SUN1: variants seen among roughly 807,000 people sequenced by gnomAD.
SUN1 encodes the protein Sad1 and UNC84 domain containing 1, also known as SUN domain-containing protein 1.
In SUN1, 61 loss-of-function variants were observed where a neutral mutation model predicts 103.2. That is an observed-to-expected ratio of 0.59 (90% CI 0.48 to 0.73). SUN1 has a LOEUF of 0.73. Among genes scored for constraint, SUN1 ranks in the 30% least tolerant of loss-of-function variants. The probability of loss-of-function intolerance (pLI) is 0.00; values close to 1 mark genes in which losing one functional copy is unlikely to be tolerated. For missense variants in SUN1, 1,052 were observed against 1,034.6 expected (o/e 1.02, Z -0.23); for synonymous variants, 490 against 425.7 (o/e 1.15, Z -1.86).
At position 866,056 on chromosome 7, in the gene SUN1, G is replaced by T; in HGVS notation, c.1969G>T (p.Val657Leu). The T allele has an allele frequency of 3.7e-6, 6 of 1,614,010 alleles. No homozygotes were observed. The highest frequency in any genetic ancestry group is 5.1e-6 in the Non-Finnish European group (6 of 1,179,928). The change falls in exon 16 of 19, where the codon GTG (valine) becomes TTG (leucine). Residue 657 changes from valine (V) to leucine (L), a missense_variant. Val to Leu is a conservative substitution (Grantham distance 32, BLOSUM62 1). Transcript: ENST00000401592. ...PLWYFSQSPRVVIQPDIYPGN... is the reference protein window; with the variant it reads ...PLWYFSQSPRLVIQPDIYPGN... ...GTGGTACTTCTCGCAGTCCCCGCGC[G>T]TGGTCATCCAGGTGAGTGGCCGCCG...
rs1433018904 is a variant in SUN1 at position 863,051 on chromosome 7, A to C, written c.1864+1587A>C. ...CAGCTACTTGGGAGGCTAAGGCAGG[A>C]GAATGGCGTGAACCCGGGAGGTGGA... On this transcript the variant is annotated intron_variant, in intron 15 of 18. Transcript: ENST00000401592. 6.6e-5 allele frequency among the ~76,000 whole-genome samples: 10 copies of C among 152,326 alleles called. 1 individual carries two copies. The highest frequency in any genetic ancestry group is 8.8e-5 in the Non-Finnish European group (6 of 68,030).
At position 853,479 on chromosome 7, in the gene SUN1, A is replaced by G. The variant is rs372553774; in HGVS notation, c.1124A>G (p.Gln375Arg). Residue 375 changes from glutamine to arginine, a missense_variant, in exon 10 of 19, where the codon CAG becomes CGG. By Grantham distance (43) the Gln-to-Arg change is conservative (BLOSUM62 1). This residue lies in a region of SUN1 where 846 missense variants were observed against 774.5 expected (regional missense o/e 1.09). Coordinates refer to ENST00000401592, the MANE Select transcript of SUN1 (RefSeq NM_001130965.3). ...VEQQVASLSG[Q>R]CHHHGENLRE... is the part of the protein sequence containing the mutation. ...CAGCAGGTGGCCTCTCTGTCTGGAC[A>G]GTGCCACCACCATGGTGAGAATCTC... 36 of 1,613,958 alleles carry G rather than the reference A, an allele frequency of 2.2e-5. No individual in the cohort carries two copies. The highest frequency in any genetic ancestry group is 3.3e-4 in the Middle Eastern group (2 of 6,084).
intron 5 of SUN1, among the ~76,000 whole-genome samples, chr7:844,296 G>T (rs768260840): frequency 6.6e-6 from 1 of 152,222 alleles, no homozygotes; most frequent in South Asian, 2.1e-4. Context: ...GCCGGGTGCT[G>T]CCTGGTTCTC....
rs376691663 is a variant in SUN1 at position 839,987 on chromosome 7, A to G, written c.266+1001A>G. 4.6e-5 allele frequency among the ~76,000 whole-genome samples: 7 copies of G among 152,364 alleles called. No individual in the cohort carries two copies. The East Asian group carries it at 9.6e-4, about 21-fold the overall frequency. ...ACTCTCCACGTGCCCACTTCTGTGC[A>G]GAGAAGGAACAAAAGTCTACAAGAT... On this transcript the variant is annotated intron_variant, in intron 2 of 18. Coordinates refer to ENST00000401592, the MANE Select transcript of SUN1 (RefSeq NM_001130965.3).
At chr7:848,465 A>G (rs369047264) in intron 5 of SUN1, 6 of 1,364,208 alleles carry the variant, frequency 4.4e-6, no homozygotes, top group African/African-American at 3.0e-5. Flanking sequence ...GGCCAGATAC[A>G]CTGCATCATC....
At chr7:832,663 G>T in intron 1 of SUN1, 62 bp downstream of exon 1, 2 of 1,387,760 alleles carry the variant, frequency 1.4e-6, no homozygotes, top group Non-Finnish European at 1.0e-6. Flanking sequence ...TCGCGGTGGC[G>T]TGGACCTTAA....
chr7:840,417 C>T (rs149571572), intron 2 of SUN1, among the ~76,000 whole-genome samples: 33 of 152,316 alleles, frequency 2.2e-4, no homozygotes, highest in Non-Finnish European at 3.1e-4. Flanking sequence ...TGCCACGCCG[C>T]GCTCTGCCGC....
intron 1 of SUN1, among the ~76,000 whole-genome samples, chr7:821,073 T>C (rs975278447): frequency 6.6e-6 from 1 of 151,052 alleles, no homozygotes; most frequent in African/African-American, 2.4e-5. Flanking sequence ...CATTTTGTTC[T>C]CAATGAAATA....
chr7:836,208 A>T (rs56320229), intron 1 of SUN1, among the ~76,000 whole-genome samples: 7 of 152,076 alleles, frequency 4.6e-5, no homozygotes, highest in South Asian at 2.1e-4. Context: ...GAAGCTGAAG[A>T]TGTAGGAGAA....
intron 1 of SUN1, 83 bp downstream of exon 1, chr7:832,684 A>T: frequency 9.7e-7 from 1 of 1,033,918 alleles, no homozygotes; most frequent in South Asian, 1.3e-5. Flanking sequence ...CAGGAACTCC[A>T]TAGTACTACC....
At chr7:849,767 C>T (rs900883627) in intron 5 of SUN1, 1 of 1,094,306 alleles carries the variant, frequency 9.1e-7, no homozygotes, top group Non-Finnish European at 1.4e-6. Context: ...ATCACAGAAG[C>T]TCATAGCCAC....
chr7:851,356 T>G, intron 5 of SUN1, 28 bp from the exon 6 acceptor site: 1 of 1,556,290 alleles, frequency 6.4e-7, no homozygotes, highest in East Asian at 2.4e-5. Context: ...GGCGTCTGTC[T>G]GAGGCCACAC....
At chr7:866,528 C>A (rs1351376814) in intron 16 of SUN1, among the ~76,000 whole-genome samples, 1 of 142,448 alleles carries the variant, frequency 7.0e-6, no homozygotes, top group Non-Finnish European at 1.6e-5. Flanking sequence ...CTCCCCGGGC[C>A]TTCTCCCCCA....
At position 874,108 on chromosome 7, in the gene SUN1, C is replaced by G. The variant is rs1299630934; in HGVS notation, c.*777C>G. On this transcript the variant is annotated 3_prime_UTR_variant, in exon 19 of 19. Transcript: ENST00000401592. The stretch of plus-strand genomic sequence containing the variant: ...GTAAACAGAAACCCAAAAATCTCAT[C>G]TTGGGTGTTTTCAGGGCTTGTTTTG... The G allele has an allele frequency of 6.6e-6, 1 of 152,246 alleles. No homozygotes were observed. The highest frequency in any genetic ancestry group is 1.5e-5 in the Non-Finnish European group (1 of 68,056). 9.4% of individuals were successfully genotyped at this position (152,246 alleles called of 1,614,324 possible).
At chr7:838,742 G>A in intron 1 of SUN1, 56 bp from the exon 2 acceptor site, 2 of 1,434,294 alleles carry the variant, frequency 1.4e-6, no homozygotes, top group South Asian at 3.0e-5. Context: ...TGTTCATTTT[G>A]TTTCAGAATG....
intron 15 of SUN1, among the ~76,000 whole-genome samples, chr7:864,657 C>CT (rs1834963592): frequency 1.5e-5 from 1 of 64,688 alleles, no homozygotes; most frequent in African/African-American, 5.2e-5. Context: ...GACAAAGAGT[C>CT]TCGCTCTGTC....
In SUN1 at chr7:874,832, T is replaced by G. The variant is rs956250536; in HGVS notation, c.*1501T>G. ...CAAAATATCTGTCTTTGGTAGTGCT[T>G]CTGCTGCTGCCACCAAATTGATAAG... On this transcript the variant is annotated 3_prime_UTR_variant, in exon 19 of 19. Transcript: ENST00000401592. 2.6e-5 allele frequency: 4 copies of G among 152,276 alleles called. No homozygotes were observed. Among genetic ancestry groups the G allele is most frequent in the South Asian group, 2.1e-4 (1 of 4,832 alleles). 9.4% of individuals were successfully genotyped at this position (152,276 alleles called of 1,614,324 possible).
In SUN1 at chr7:863,606, G is replaced by C. The variant is rs553613718; in HGVS notation, c.1864+2142G>C. 3.3e-5 allele frequency among the ~76,000 whole-genome samples: 5 copies of C among 152,212 alleles called. No individual in the cohort carries two copies. In the South Asian group the frequency reaches 1.0e-3, roughly 32 times the overall value. On this transcript the variant is annotated intron_variant, in intron 15 of 18. Transcript: ENST00000401592. ...CAGCCATCACCACTGCCTTACCCCA[G>C]AATCTTTCTCACCCCAGCTAGAAAC...
chr7:865,929 A>T, intron 15 of SUN1, 23 bp from the exon 16 acceptor site: 1 of 1,606,356 alleles, frequency 6.2e-7, no homozygotes, highest in Non-Finnish European at 8.5e-7. Flanking sequence ...GGACACTGAG[A>T]CCGATCTGAA....
Sources: allele counts gnomAD v4.1 joint callset (sites outside exome capture counted in the v4.1 genomes callset), GRCh38; gene constraint gnomAD v4.1.1; regional missense constraint gnomAD v4.1.1; transcripts MANE v1.5; gene names NCBI Gene and HGNC (gene_info 2026-07-23, HGNC 2026-07-21).